The following TRPC6 variants were observed in gnomAD, a reference collection of about 807,000 sequenced individuals.
The protein encoded by TRPC6 is transient receptor potential cation channel subfamily C member 6.
In TRPC6, 55 loss-of-function variants were observed where a neutral mutation model predicts 90.7. The ratio of observed to expected loss-of-function variants is 0.61; its 90% CI spans 0.49 to 0.76. The LOEUF (loss-of-function observed/expected upper bound fraction) is 0.76, where lower values mean the gene tolerates loss of function less well. TRPC6 is among the 30% of genes least tolerant of loss of function. TRPC6 has a pLI of 0.00. For synonymous variants in TRPC6, 393 were observed against 393.0 expected, an observed-to-expected ratio of 1.00 and a Z score of 0.00; for missense variants, 989 against 1,122.7, an observed-to-expected ratio of 0.88 and a Z score of 1.70.
chr11:101,504,545 C>A lies in TRPC6; in HGVS notation c.424G>T (p.Ala142Ser). 1.2e-6 allele frequency: 2 copies of A among 1,614,152 alleles called. No homozygotes were observed. The highest frequency in any genetic ancestry group is 1.7e-6 in the Non-Finnish European group (2 of 1,180,014). Residue 142 changes from alanine (A) to serine (S), a missense_variant, in exon 2 of 13, where the codon GCC becomes TCC. Physicochemically the swap from Ala to Ser is moderately conservative, Grantham distance 99. Around this residue, in one of 4 missense-constraint regions of TRPC6, gnomAD observed 486 missense variants for 591.9 expected, o/e 0.82. Coordinates refer to ENST00000344327, the MANE Select transcript of TRPC6 (RefSeq NM_004621.6). ...TCTGTAATTTCCAGATGCTCATTGG[C>A]CACTGCCAACTGTAGGGCATTCTGG... is the stretch of plus-strand genomic sequence containing the variant. ...MGQNALQLAV[A>S]NEHLEITELL...
chr11:101,573,300 G>T (rs1334730256), intron 1 of TRPC6, among the ~76,000 whole-genome samples: 6 of 148,936 alleles, frequency 4.0e-5, no homozygotes, highest in African/African-American at 1.5e-4. Context: ...TACTTCAGAG[G>T]AAGCGTAGAA....
chr11:101,508,690 A>G (rs1164609503), intron 1 of TRPC6, among the ~76,000 whole-genome samples: 1 of 152,152 alleles, frequency 6.6e-6, no homozygotes, highest in Non-Finnish European at 1.5e-5. Context: ...ATGCTTTGAA[A>G]AAGAAAAACT....
intron 1 of TRPC6, among the ~76,000 whole-genome samples, chr11:101,517,879 C>A (rs1860558360): frequency 6.6e-6 from 1 of 152,092 alleles, no homozygotes; most frequent in African/African-American, 2.4e-5. Context: ...AGTTTCTGGT[C>A]CTGTTAAGGA....
intron 2 of TRPC6, among the ~76,000 whole-genome samples, chr11:101,503,354 C>A (rs893527288): frequency 2.6e-5 from 4 of 152,178 alleles, no homozygotes; most frequent in African/African-American, 9.7e-5. Flanking sequence ...CCTAAAATAT[C>A]TTTTCCCTCA....
intron 5 of TRPC6, among the ~76,000 whole-genome samples, chr11:101,478,896 C>T (rs748548302): frequency 6.6e-6 from 1 of 152,086 alleles, no homozygotes; most frequent in Non-Finnish European, 1.5e-5. Flanking sequence ...ACCAAAAAAC[C>T]CACCTGCGTG....
rs1447303999 is a variant in TRPC6, at chr11:101,491,356, C to T, written c.1128+200G>A. On this transcript the variant is annotated intron_variant, in intron 3 of 12. Coordinates refer to ENST00000344327, the MANE Select transcript of TRPC6 (RefSeq NM_004621.6). ...GGCTGAGGCAGGAGAATGGCCTGAACCCGGGAGGCGGAGCTTGCAGTGAGC... is the reference window on the plus strand; with the variant it reads ...GGCTGAGGCAGGAGAATGGCCTGAATCCGGGAGGCGGAGCTTGCAGTGAGC... 1.2e-5 allele frequency: 6 copies of T among 506,404 alleles called. No homozygotes were observed. The East Asian group carries it at 2.9e-4, about 25-fold the overall frequency. 31.4% of individuals were successfully genotyped at this position (506,404 alleles called of 1,614,324 possible).
At chr11:101,573,958 A>ATGTATGTG (rs1565252590) in intron 1 of TRPC6, among the ~76,000 whole-genome samples, 1 of 104,364 alleles carries the variant, frequency 9.6e-6, no homozygotes, top group Non-Finnish European at 2.0e-5. Context: ...GTGTGTGTGT[A>ATGTATGTG]TGTGTGTGTG....
At chr11:101,463,960 T>C (rs1000224260) in intron 10 of TRPC6, among the ~76,000 whole-genome samples, 2 of 152,240 alleles carry the variant, frequency 1.3e-5, no homozygotes, top group African/African-American at 4.8e-5. Context: ...TAAATTTCCC[T>C]CTAAACACTG....
intron 7 of TRPC6, among the ~76,000 whole-genome samples, chr11:101,472,544 T>C (rs1424156952): frequency 6.6e-6 from 1 of 152,156 alleles, no homozygotes; most frequent in Non-Finnish European, 1.5e-5. Context: ...AAGTACATAA[T>C]CATAGCTCAA....
chr11:101,486,740 T>C (rs1008655763), intron 4 of TRPC6, among the ~76,000 whole-genome samples: 1 of 152,146 alleles, frequency 6.6e-6, no homozygotes, highest in African/African-American at 2.4e-5. Flanking sequence ...ATCTTACTGA[T>C]GTTCATGGAT....
At chr11:101,529,517 C>A (rs1434046917) in intron 1 of TRPC6, among the ~76,000 whole-genome samples, 2 of 152,212 alleles carry the variant, frequency 1.3e-5, no homozygotes, top group African/African-American at 2.4e-5. Context: ...AATGCAGAAT[C>A]ATCTGAATGC....
chr11:101,462,367 G>A (rs1429560661), intron 10 of TRPC6, among the ~76,000 whole-genome samples: 3 of 152,170 alleles, frequency 2.0e-5, no homozygotes, highest in Non-Finnish European at 4.4e-5. Flanking sequence ...GTAGCTTGAC[G>A]AGGATAGCAT....
Position 101,583,441 on chromosome 11 carries a change from G to T in TRPC6, c.63C>A (p.Ala21=). ...CCTGGCTCTCGTTGCGCCGCGCAGC[G>T]GCTCCGGCAGCGCCCCGGGGAGAAC... ...RGSSPRGAAG[A]AARRNESQDY... Residue 21 remains alanine (A), a synonymous_variant, in exon 1 of 13, where the codon GCC becomes GCA. Transcript: ENST00000344327. 2 of 1,545,450 alleles carry T rather than the reference G, an allele frequency of 1.3e-6. No individual in the cohort carries two copies.
intron 1 of TRPC6, among the ~76,000 whole-genome samples, chr11:101,553,160 C>T (rs1409636796): frequency 2.0e-5 from 3 of 152,012 alleles, no homozygotes; most frequent in Non-Finnish European, 4.4e-5. Flanking sequence ...TCATCTGATT[C>T]AAGATCGTGA....
chr11:101,543,294 G>A (rs1184484961), intron 1 of TRPC6, among the ~76,000 whole-genome samples: 1 of 151,994 alleles, frequency 6.6e-6, no homozygotes, highest in African/African-American at 2.4e-5. Context: ...AAGCACTTTG[G>A]CAATTTCTTA....
chr11:101,552,292 G>A (rs965797211), intron 1 of TRPC6, among the ~76,000 whole-genome samples: 4 of 152,092 alleles, frequency 2.6e-5, no homozygotes, highest in African/African-American at 9.7e-5. Context: ...ACGAAGAGGA[G>A]AAATCAACGT....
chr11:101,453,824 C>A, intron 11 of TRPC6, 99 bp from the exon 12 acceptor site: 1 of 1,105,500 alleles, frequency 9.0e-7, no homozygotes, highest in East Asian at 2.4e-5. Flanking sequence ...GTAGTGAGCC[C>A]TTTGGAAGTG....
intron 1 of TRPC6, among the ~76,000 whole-genome samples, chr11:101,559,783 C>T (rs1311172516): frequency 7.9e-6 from 1 of 127,086 alleles, no homozygotes; most frequent in Non-Finnish European, 1.6e-5. Context: ...ATCCCTCCCC[C>T]CTCCCCCCAC....
intron 1 of TRPC6, among the ~76,000 whole-genome samples, chr11:101,550,697 TATA>T (rs1861430544): frequency 6.6e-6 from 1 of 151,774 alleles, no homozygotes; most frequent in East Asian, 1.9e-4. Flanking sequence ...TCTGATACAT[TATA>T]AAACACAAAC....
Sources: allele counts gnomAD v4.1 joint callset (sites outside exome capture counted in the v4.1 genomes callset), GRCh38; gene constraint gnomAD v4.1.1; regional missense constraint gnomAD v4.1.1; transcripts MANE v1.5; gene names NCBI Gene and HGNC (gene_info 2026-07-23, HGNC 2026-07-21).